CACNB4: variants seen among roughly 807,000 people sequenced by gnomAD.
The protein encoded by CACNB4 is voltage-dependent L-type calcium channel subunit beta-4.
Under a neutral mutation model 71.2 loss-of-function variants are expected in CACNB4, and 32 were observed. The ratio of observed to expected loss-of-function variants is 0.45; its 90% confidence interval spans 0.34 to 0.60. The LOEUF (loss-of-function observed/expected upper bound fraction) is 0.60. Among genes scored for constraint, CACNB4 ranks in the 20% least tolerant of loss-of-function variants. CACNB4 has a pLI of 0.01. For missense variants in CACNB4, 464 were observed against 647.9 expected (o/e 0.72, Z 3.08); for synonymous variants, 231 against 236.9 (o/e 0.97, Z 0.23).
chr2:151,929,476 C>A (rs1466867318), intron 2 of CACNB4, among the ~76,000 whole-genome samples: 1 of 152,124 alleles, frequency 6.6e-6, no homozygotes, highest in Admixed American at 6.5e-5. Context: ...TGGGTTATAA[C>A]CTGCAGTTTG....
At position 152,020,045 on chromosome 2, in the gene CACNB4, C is replaced by G. The variant is rs575552477; in HGVS notation, c.147+78285G>C. On this transcript the variant is annotated intron_variant, in intron 2 of 13. Coordinates refer to ENST00000539935, the MANE Select transcript of CACNB4 (RefSeq NM_000726.5). ...AAACCACTGTGTTTCTATGCCTCCA[C>G]TTCCAGGATTTTCACCCTGCAGCCT... 2.6e-5 allele frequency among the ~76,000 whole-genome samples: 4 copies of G among 152,342 alleles called. No homozygotes were observed. In the South Asian group the frequency reaches 6.2e-4, roughly 24 times the overall value.
chr2:151,878,766 G>C (rs942475715), intron 4 of CACNB4, among the ~76,000 whole-genome samples: 2 of 150,312 alleles, frequency 1.3e-5, no homozygotes, highest in Non-Finnish European at 3.0e-5. Flanking sequence ...AATTAGCTGG[G>C]TGTAGTAGTG....
At chr2:151,867,137 T>C (rs147316616) in intron 9 of CACNB4, 17 of 152,348 alleles carry the variant, frequency 1.1e-4, no homozygotes, top group African/African-American at 3.6e-4. Flanking sequence ...TTTGTTCAGA[T>C]AGGGCTGTTA....
chr2:151,862,960 C>T (rs1001920154), intron 9 of CACNB4, among the ~76,000 whole-genome samples: 2 of 152,126 alleles, frequency 1.3e-5, no homozygotes, highest in African/African-American at 4.8e-5. Flanking sequence ...TAGAGTAAAC[C>T]CACACCTGAC....
At chr2:151,875,937 T>A in intron 5 of CACNB4, among the ~76,000 whole-genome samples, 1 of 9,636 alleles carries the variant, frequency 1.0e-4, no homozygotes, top group South Asian at 4.2e-3. Flanking sequence ...GAGGCACCCC[T>A]CACCTCCCGG....
intron 3 of CACNB4, among the ~76,000 whole-genome samples, chr2:151,882,247 G>A (rs1266081401): frequency 7.2e-6 from 1 of 138,614 alleles, no homozygotes; most frequent in African/African-American, 2.8e-5. Flanking sequence ...GGAGTGCACT[G>A]GTGTGATCTC....
chr2:151,929,132 A>C (rs977840442), intron 2 of CACNB4, among the ~76,000 whole-genome samples: 2 of 151,878 alleles, frequency 1.3e-5, no homozygotes, highest in African/African-American at 4.8e-5. Context: ...ACATAATTCT[A>C]CTCAGTCCTC....
rs141879517 is a variant in CACNB4 at position 151,845,131 on chromosome 2, A to G, written c.1117-3043T>C. 1.2e-3 allele frequency among the ~76,000 whole-genome samples: 189 copies of G among 152,358 alleles called. 1 individual carries two copies. Among genetic ancestry groups the G allele is most frequent in the African/African-American group, 4.3e-3 (179 of 41,580 alleles). On this transcript the variant is annotated intron_variant, in intron 12 of 13. Transcript: ENST00000539935. ...TTACATTGTCACGGTTGTAGACATA[A>G]TTAGTGGCACATTTAATTGCCATAA...
chr2:151,871,965 C>T (rs1377400103), intron 6 of CACNB4: 3 of 169,502 alleles, frequency 1.8e-5, no homozygotes, highest in Non-Finnish European at 3.8e-5. Flanking sequence ...GCCCTCCCTC[C>T]TTTGGGCCCT....
In CACNB4 at chr2:151,853,548, T is replaced by C. The variant is rs761756641; in HGVS notation, c.1021-5A>G. The C allele has an allele frequency of 5.8e-6, 9 of 1,542,126 alleles. No homozygotes were observed. The South Asian group carries it at 9.6e-5, about 16-fold the overall frequency. The stretch of plus-strand genomic sequence containing the variant: ...TTTAATCAACCGCTGTAAAACCTGA[T>C]AGAAGAAGACATGAACCTGAGGTAT... On this transcript the variant is annotated splice_polypyrimidine_tract_variant and splice_region_variant and intron_variant, in intron 11 of 13. Transcript: ENST00000539935.
intron 11 of CACNB4, chr2:151,854,079 G>A (rs1485780594): frequency 6.5e-6 from 1 of 152,942 alleles, no homozygotes; most frequent in Non-Finnish European, 1.5e-5. Flanking sequence ...ATATATCTAT[G>A]TCTTTTGGCC....
At chr2:151,896,422 G>A (rs1182600962) in intron 2 of CACNB4, among the ~76,000 whole-genome samples, 1 of 152,210 alleles carries the variant, frequency 6.6e-6, no homozygotes, top group Non-Finnish European at 1.5e-5. Context: ...CTAGGTAAGA[G>A]CTATGCCTAC....
intron 2 of CACNB4, among the ~76,000 whole-genome samples, chr2:152,020,419 A>G (rs1683594336): frequency 6.6e-6 from 1 of 152,196 alleles, no homozygotes; most frequent in African/African-American, 2.4e-5. Context: ...GCATTTCAGT[A>G]TAGGGTGAGG....
intron 2 of CACNB4, among the ~76,000 whole-genome samples, chr2:151,979,882 T>C (rs906071778): frequency 6.6e-6 from 1 of 151,496 alleles, no homozygotes; most frequent in African/African-American, 2.4e-5. Flanking sequence ...TCAGCAGGAG[T>C]GGGAGGCAGG....
At chr2:152,013,978 G>C (rs1181083282) in intron 2 of CACNB4, among the ~76,000 whole-genome samples, 1 of 152,170 alleles carries the variant, frequency 6.6e-6, no homozygotes, top group Non-Finnish European at 1.5e-5. Context: ...ACCTTTCCTA[G>C]CTGGCTGGGA....
chr2:152,043,423 GGGATCC>G (rs1684977255), intron 2 of CACNB4, among the ~76,000 whole-genome samples: 1 of 152,228 alleles, frequency 6.6e-6, no homozygotes, highest in East Asian at 1.9e-4. Flanking sequence ...CCTGGGCTCA[GGGATCC>G]TCCCACCTTA....
At position 151,850,691 on chromosome 2, in the gene CACNB4, AG is replaced by A. The variant is rs1250804903; in HGVS notation, c.1116+2756del. On this transcript the variant is annotated intron_variant, in intron 12 of 13. Coordinates refer to ENST00000539935, the MANE Select transcript of CACNB4 (RefSeq NM_000726.5). ...AAAGCAGATCTGCAGTCACAATTTT[AG>A]GGGAAGCTGTGCACACTATTTGTCC... is the stretch of plus-strand genomic sequence containing the variant. 4 of 152,194 alleles carry A rather than the reference AG, an allele frequency of 2.6e-5. No homozygotes were observed. The East Asian group carries it at 7.7e-4, about 29-fold the overall frequency. The allele number at this position is 152,194 out of a possible 1,614,324, so 9.4% of individuals were successfully genotyped here.
At chr2:151,909,075 T>A (rs2151528713) in intron 2 of CACNB4, among the ~76,000 whole-genome samples, 1 of 148,320 alleles carries the variant, frequency 6.7e-6, no homozygotes, top group East Asian at 1.9e-4. Context: ...CCCTGAATCC[T>A]ATCTATATAT....
chr2:151,860,394 C>A, intron 10 of CACNB4: 1 of 370,840 alleles, frequency 2.7e-6, no homozygotes, highest in Non-Finnish European at 4.9e-6. Context: ...TGACAGATAT[C>A]ATTAGCCTTG....
Sources: gnomAD v4.1 joint callset for allele counts (sites outside exome capture counted in the v4.1 genomes callset) on GRCh38, gnomAD v4.1.1 for gene constraint, MANE v1.5 for transcripts, NCBI Gene and HGNC (gene_info 2026-07-23, HGNC 2026-07-21) for gene names.